SUSD4: variants seen among roughly 807,000 people sequenced by gnomAD.
SUSD4 encodes sushi domain-containing protein 4.
In SUSD4, 41 loss-of-function variants were observed where a neutral mutation model predicts 50.5. The ratio of observed to expected loss-of-function variants is 0.81; its 90% CI spans 0.63 to 1.05. The LOEUF is 1.05. SUSD4 is among the 50% of genes least tolerant of loss of function. The probability of loss-of-function intolerance (pLI) is 0.00; values close to 1 mark genes in which losing one functional copy is unlikely to be tolerated. For missense variants in SUSD4, 580 were observed against 634.7 expected (o/e 0.91, Z 0.93); for synonymous variants, 257 against 257.3 (o/e 1.00, Z 0.01).
At chr1:223,327,935 G>T (rs543534653) in intron 2 of SUSD4, among the ~76,000 whole-genome samples, 1 of 152,190 alleles carries the variant, frequency 6.6e-6, no homozygotes, top group South Asian at 2.1e-4. Context: ...TGTCTTGCTT[G>T]GCTCTGATCC....
intron 2 of SUSD4, among the ~76,000 whole-genome samples, chr1:223,331,888 T>G (rs897018943): frequency 2.0e-5 from 3 of 152,206 alleles, no homozygotes; most frequent in African/African-American, 7.2e-5. Context: ...AATGATGAAA[T>G]GTCCAGGTTG....
intron 5 of SUSD4, among the ~76,000 whole-genome samples, chr1:223,262,166 C>T (rs1662169705): frequency 6.6e-6 from 1 of 152,160 alleles, no homozygotes; most frequent in African/African-American, 2.4e-5. Context: ...GTGTGACAGG[C>T]ACACTGACAG....
chr1:223,229,001 G>C lies in SUSD4; in HGVS notation c.916+196C>G, dbSNP rs116211782. Among the ~76,000 whole-genome samples the C allele has an allele frequency of 5.7e-3, 869 of 152,090 alleles. 9 individuals carry two copies. The highest frequency in any genetic ancestry group is 0.02 in the African/African-American group (821 of 41,520). Reference sequence around the variant, plus strand: ...CAGCAGACAGTTAATACTCTTGACTGTCTGAACAGGACCTACAAGCATCTG... The same window carrying C: ...CAGCAGACAGTTAATACTCTTGACTCTCTGAACAGGACCTACAAGCATCTG... On this transcript the variant is annotated intron_variant, in intron 6 of 8. Coordinates refer to ENST00000366878, the MANE Select transcript of SUSD4 (RefSeq NM_017982.4). This position sits in a 1 kb window ranked among gnomAD's most constrained non-coding sequence, Gnocchi z 4.7.
intron 2 of SUSD4, among the ~76,000 whole-genome samples, chr1:223,316,406 A>G (rs1471554126): frequency 1.3e-5 from 2 of 152,078 alleles, no homozygotes. Context: ...TGGCTCCTTC[A>G]GTCTTCAAGC....
chr1:223,231,604 A>C lies in SUSD4; in HGVS notation c.725-2216T>G, dbSNP rs1055294228. On this transcript the variant is annotated intron_variant, in intron 5 of 8. Transcript: ENST00000366878. The surrounding 1 kb of genome is among the most constrained non-coding windows in gnomAD (Gnocchi z 4.2). Reference sequence around the variant, plus strand: ...GAGCATCTCCAGGAAATAAAGCAGAAGGAAGCAAAGGGAAGGACAGCTGAT... The same window carrying C: ...GAGCATCTCCAGGAAATAAAGCAGACGGAAGCAAAGGGAAGGACAGCTGAT... 6.6e-6 allele frequency among the ~76,000 whole-genome samples: 1 copy of C among 152,232 alleles called. No homozygotes were observed. The highest frequency in any genetic ancestry group is 2.4e-5 in the African/African-American group (1 of 41,466).
At chr1:223,339,799 C>A (rs1453113246) in intron 2 of SUSD4, among the ~76,000 whole-genome samples, 1 of 152,236 alleles carries the variant, frequency 6.6e-6, no homozygotes, top group Admixed American at 6.5e-5. Flanking sequence ...TGAGGCCCCT[C>A]AGGAAGCAGA....
intron 3 of SUSD4, among the ~76,000 whole-genome samples, chr1:223,285,232 G>A (rs1664057731): frequency 1.3e-5 from 2 of 152,122 alleles, no homozygotes; most frequent in African/African-American, 4.8e-5. Flanking sequence ...GAAAACAAGG[G>A]CAACATGCAG....
chr1:223,300,259 G>A lies in SUSD4; in HGVS notation c.149-7608C>T, dbSNP rs1665096575. Reference sequence around the variant, plus strand: ...TTGTGACCTCAGGAACAAATCAGGAGGAGTATTGTAATTTGGACTCTGGTT... The same window carrying A: ...TTGTGACCTCAGGAACAAATCAGGAAGAGTATTGTAATTTGGACTCTGGTT... On this transcript the variant is annotated intron_variant, in intron 2 of 8. Coordinates refer to ENST00000366878, the MANE Select transcript of SUSD4 (RefSeq NM_017982.4). Among the ~76,000 whole-genome samples, 4 of 152,280 alleles carry A rather than the reference G, an allele frequency of 2.6e-5. No homozygotes were observed. The South Asian group carries it at 8.3e-4, about 32-fold the overall frequency.
At position 223,292,528 on chromosome 1, in the gene SUSD4, A is replaced by G; in HGVS notation, c.272T>C (p.Leu91Pro). The G allele has an allele frequency of 6.2e-7, 1 of 1,614,154 alleles. No homozygotes were observed. Among genetic ancestry groups the G allele is most frequent in the Non-Finnish European group, 8.5e-7 (1 of 1,180,014 alleles). ...ACACAGTCTCTTTGTAGCGCCCTTCAGCTTGAATCCGTCTTGGCAGTGAAA... is the reference window on the plus strand; with the variant it reads ...ACACAGTCTCTTTGTAGCGCCCTTCGGCTTGAATCCGTCTTGGCAGTGAAA... ...ARFHCQDGFKLKGATKRLCLK... is the reference protein window; with the variant it reads ...ARFHCQDGFKPKGATKRLCLK... The change falls in exon 3 of 9, where the codon CTG (leucine) becomes CCG (proline). Residue 91 changes from leucine to proline, a missense_variant. Leu to Pro is a moderately conservative substitution (Grantham distance 98). Transcript: ENST00000366878.
chr1:223,262,118 T>C (rs772701676), intron 5 of SUSD4, among the ~76,000 whole-genome samples: 7 of 152,104 alleles, frequency 4.6e-5, no homozygotes, highest in Non-Finnish European at 7.4e-5. Flanking sequence ...AGAAAAGAAA[T>C]TGGGGGTGAG....
intron 2 of SUSD4, among the ~76,000 whole-genome samples, chr1:223,354,026 T>C (rs1184084479): frequency 6.6e-6 from 1 of 151,188 alleles, no homozygotes; most frequent in Non-Finnish European, 1.5e-5. Flanking sequence ...AGTGAAACGT[T>C]GTCTCAAGAA....
At chr1:223,264,869 C>G in intron 4 of SUSD4, 51 bp from the exon 5 acceptor site, 1 of 1,573,034 alleles carries the variant, frequency 6.4e-7, no homozygotes, top group South Asian at 1.2e-5. Context: ...CATCTCTGTA[C>G]ATCGAAAAGT....
chr1:223,279,589 G>A (rs1663541490), intron 3 of SUSD4, among the ~76,000 whole-genome samples: 1 of 152,206 alleles, frequency 6.6e-6, no homozygotes, highest in Admixed American at 6.5e-5. Context: ...GGGACTATGT[G>A]CAAAGACCAA....
chr1:223,295,290 G>A (rs1398273620), intron 2 of SUSD4, among the ~76,000 whole-genome samples: 2 of 152,186 alleles, frequency 1.3e-5, no homozygotes, highest in Non-Finnish European at 2.9e-5. Flanking sequence ...TGGAATTCAT[G>A]GTTTTATATA....
intron 2 of SUSD4, among the ~76,000 whole-genome samples, chr1:223,356,019 C>A (rs1668645526): frequency 6.6e-6 from 1 of 152,170 alleles, no homozygotes; most frequent in Admixed American, 6.5e-5. Flanking sequence ...TATAATGGCA[C>A]TCCCAACTTT....
intron 5 of SUSD4, among the ~76,000 whole-genome samples, chr1:223,253,779 T>C (rs1363446869): frequency 1.3e-5 from 2 of 152,168 alleles, no homozygotes; most frequent in Non-Finnish European, 2.9e-5. Flanking sequence ...GAGAAGATAC[T>C]CTAGAGTTTA....
At chr1:223,356,715 T>C (rs1358104127) in intron 2 of SUSD4, among the ~76,000 whole-genome samples, 2 of 152,158 alleles carry the variant, frequency 1.3e-5, no homozygotes, top group Non-Finnish European at 2.9e-5. Flanking sequence ...ATAGAAGAGA[T>C]TGCTCCTAAT....
At chr1:223,266,316 G>A (rs896540022) in intron 4 of SUSD4, among the ~76,000 whole-genome samples, 2 of 152,214 alleles carry the variant, frequency 1.3e-5, no homozygotes, top group African/African-American at 4.8e-5. Flanking sequence ...TGAAGTGTAT[G>A]TGTGTTTATG....
At chr1:223,275,911 C>T (rs753627178) in intron 3 of SUSD4, among the ~76,000 whole-genome samples, 14 of 152,326 alleles carry the variant, frequency 9.2e-5, no homozygotes, top group African/African-American at 2.9e-4. Context: ...ACCTAATCCG[C>T]GCAAGCTGGG....
Sources: gnomAD v4.1 joint callset for allele counts (sites outside exome capture counted in the v4.1 genomes callset) on GRCh38, gnomAD v4.1.1 for gene constraint, Gnocchi (gnomAD v3.1) non-coding constraint, MANE v1.5 for transcripts, NCBI Gene and HGNC (gene_info 2026-07-23, HGNC 2026-07-21) for gene names.